Variants in YPEL2 observed in about 807,000 individuals in gnomAD.
The protein encoded by YPEL2 is yippee like 2.
A neutral mutation model predicts 19.1 loss-of-function variants in YPEL2; 2 were observed. That is an observed-to-expected ratio of 0.10 (90% CI 0.04 to 0.33). YPEL2 has a LOEUF of 0.33. YPEL2 is among the 10% of genes least tolerant of loss of function. The pLI is 1.00. For synonymous variants in YPEL2, 52 were observed against 50.0 expected (o/e 1.04, Z -0.17); for missense variants, 66 against 140.7 (o/e 0.47, Z 2.68).
At chr17:59,352,089 G>A (rs902431458) in intron 1 of YPEL2, among the ~76,000 whole-genome samples, 1 of 152,190 alleles carries the variant, frequency 6.6e-6, no homozygotes, top group Non-Finnish European at 1.5e-5. Flanking sequence ...GATCCCAGAC[G>A]TAGTCCAGCC....
rs2048050729 is a variant in YPEL2 at position 59,398,177 on chromosome 17, AG to A, written c.*989del. The A allele has an allele frequency of 6.6e-6, 1 of 152,150 alleles. No homozygotes were observed. The allele number at this position is 152,150 out of a possible 1,614,324, so 9.4% of individuals were successfully genotyped here. Reference sequence around the variant, plus strand: ...GCCCTTCCTTCTGACCCCTCATAAGAGGAGTGTGGTGAGGGAGGGGACTGGG... The same window carrying A: ...GCCCTTCCTTCTGACCCCTCATAAGAGAGTGTGGTGAGGGAGGGGACTGGG... On this transcript the variant is annotated 3_prime_UTR_variant, in exon 5 of 5. Transcript: ENST00000312655.
At chr17:59,393,007 G>A (rs1330323801) in intron 4 of YPEL2, among the ~76,000 whole-genome samples, 5 of 152,216 alleles carry the variant, frequency 3.3e-5, no homozygotes, top group Admixed American at 3.3e-4. Flanking sequence ...AGTTCTGTAA[G>A]TGATGGTTCA....
At chr17:59,390,794 A>T (rs2048003722) in intron 4 of YPEL2, among the ~76,000 whole-genome samples, 1 of 152,162 alleles carries the variant, frequency 6.6e-6, no homozygotes, top group Admixed American at 6.5e-5. Flanking sequence ...CCCTCTAGCT[A>T]GTGGTTAAGA....
rs2048062838 is a variant in YPEL2 at position 59,400,125 on chromosome 17, ATTG to A, written c.*2936_*2938del. The A allele has an allele frequency of 6.6e-6, 1 of 152,556 alleles. No individual in the cohort carries two copies. The highest frequency in any genetic ancestry group is 2.4e-5 in the African/African-American group (1 of 41,400). 9.5% of individuals were successfully genotyped at this position (152,556 alleles called of 1,614,324 possible). A position where few individuals can be genotyped will look rare whatever the true frequency, so the allele number is the denominator to read the frequency against. On this transcript the variant is annotated 3_prime_UTR_variant, in exon 5 of 5. Coordinates refer to ENST00000312655, the MANE Select transcript of YPEL2 (RefSeq NM_001005404.4). ...GACATTAGTCTCAGGCTGCTGATGG[ATTG>A]ATTTGACATGAACCAAACACAGCCA...
intron 2 of YPEL2, among the ~76,000 whole-genome samples, chr17:59,377,976 G>C (rs770286678): frequency 6.6e-6 from 1 of 152,190 alleles, no homozygotes; most frequent in Non-Finnish European, 1.5e-5. Flanking sequence ...CTCTGGAATA[G>C]GGCGTTATTG....
At chr17:59,384,010 G>A (rs773199442) in intron 2 of YPEL2, among the ~76,000 whole-genome samples, 13 of 152,038 alleles carry the variant, frequency 8.6e-5, no homozygotes, top group African/African-American at 2.4e-4. Context: ...ATAGGCTTTC[G>A]TTTCACTTGG....
At chr17:59,392,655 T>C (rs2048013633) in intron 4 of YPEL2, among the ~76,000 whole-genome samples, 1 of 151,836 alleles carries the variant, frequency 6.6e-6, no homozygotes. Context: ...GGATTACAGG[T>C]GTGCGCCACC....
Position 59,398,056 on chromosome 17 carries a change from A to T in YPEL2, c.*866A>T, listed in dbSNP as rs1424928731. The T allele has an allele frequency of 6.6e-6, 1 of 152,286 alleles. No individual in the cohort carries two copies. Among genetic ancestry groups the T allele is most frequent in the African/African-American group, 2.4e-5 (1 of 41,458 alleles). 9.4% of individuals were successfully genotyped at this position (152,286 alleles called of 1,614,324 possible). ...AGTAAAATCAGTAATTGAGGAGAGC[A>T]GGGCACAAAGGGGCTGCAGTTTGGG... On this transcript the variant is annotated 3_prime_UTR_variant, in exon 5 of 5. Transcript: ENST00000312655.
chr17:59,400,259 G>C lies in YPEL2; in HGVS notation c.*3069G>C, dbSNP rs2048063669. 6.6e-6 allele frequency: 1 copy of C among 152,612 alleles called. No homozygotes were observed. Among genetic ancestry groups the C allele is most frequent in the Admixed American group, 6.5e-5 (1 of 15,280 alleles). The allele number at this position is 152,612 out of a possible 1,614,324, so 9.5% of individuals were successfully genotyped here. ...TACTGGTGGATCAGTGTGTGCGAAAGAGATGACCCTTTATAAAGAGATTTT... is the reference window on the plus strand; with the variant it reads ...TACTGGTGGATCAGTGTGTGCGAAACAGATGACCCTTTATAAAGAGATTTT... On this transcript the variant is annotated 3_prime_UTR_variant, in exon 5 of 5. Transcript: ENST00000312655.
intron 3 of YPEL2, among the ~76,000 whole-genome samples, chr17:59,388,662 A>T (rs1464267114): frequency 1.3e-5 from 2 of 152,224 alleles, no homozygotes; most frequent in Non-Finnish European, 2.9e-5. Flanking sequence ...TGAAGGGCTC[A>T]TAATGAGATC....
chr17:59,350,691 A>G (rs1472628794), intron 1 of YPEL2, among the ~76,000 whole-genome samples: 2 of 152,378 alleles, frequency 1.3e-5, no homozygotes, highest in African/African-American at 4.8e-5. Flanking sequence ...GAAGCTGAAC[A>G]TAACCAGAAA....
chr17:59,388,457 A>G lies in YPEL2; in HGVS notation c.161+87A>G, dbSNP rs1598052234. The G allele has an allele frequency of 3.0e-6, 4 of 1,344,340 alleles. No individual in the cohort carries two copies. In the South Asian group the frequency reaches 3.5e-5, roughly 12 times the overall value. 83.3% of individuals were successfully genotyped at this position (1,344,340 alleles called of 1,614,324 possible). ...ATCCTTGGTGATAATTAAACAATGA[A>G]CCCTGCCCTGTCTGCCACAGTAAAA... On this transcript the variant is annotated intron_variant, in intron 3 of 4. Coordinates refer to ENST00000312655, the MANE Select transcript of YPEL2 (RefSeq NM_001005404.4).
chr17:59,331,966 C>T (rs2047672052), intron 1 of YPEL2, 142 bp downstream of exon 1: 1 of 151,468 alleles, frequency 6.6e-6, no homozygotes, highest in Non-Finnish European at 1.5e-5. Flanking sequence ...GCCCTCGGTT[C>T]CGCGTGGGGT....
chr17:59,395,409 T>C (rs1021975535), intron 4 of YPEL2, among the ~76,000 whole-genome samples: 1 of 152,164 alleles, frequency 6.6e-6, no homozygotes, highest in Non-Finnish European at 1.5e-5. Context: ...AGGGAAGGGC[T>C]GATGTCCACT....
At chr17:59,378,910 C>T (rs1056529109) in intron 2 of YPEL2, among the ~76,000 whole-genome samples, 2 of 152,212 alleles carry the variant, frequency 1.3e-5, no homozygotes, top group African/African-American at 4.8e-5. Context: ...TTACCCCCAT[C>T]TCAAAGGTTC....
chr17:59,381,004 C>T (rs907282011), intron 2 of YPEL2, among the ~76,000 whole-genome samples: 1 of 152,210 alleles, frequency 6.6e-6, no homozygotes, highest in Non-Finnish European at 1.5e-5. Flanking sequence ...TCTCTCTCCT[C>T]CAGGCTCCTG....
intron 3 of YPEL2, 48 bp downstream of exon 3, chr17:59,388,418 G>C (rs2047991863): frequency 6.3e-7 from 1 of 1,587,942 alleles, no homozygotes; most frequent in Admixed American, 1.7e-5. Context: ...AGATTCGAGG[G>C]ATGGGAAAAA....
intron 4 of YPEL2, among the ~76,000 whole-genome samples, chr17:59,396,328 C>T (rs1245591143): frequency 6.6e-6 from 1 of 152,222 alleles, no homozygotes; most frequent in Admixed American, 6.5e-5. Context: ...AAAGTCTCTG[C>T]ACTCCATGAA....
chr17:59,344,467 A>G (rs1372281943), intron 1 of YPEL2, among the ~76,000 whole-genome samples: 1 of 152,200 alleles, frequency 6.6e-6, no homozygotes, highest in Non-Finnish European at 1.5e-5. Flanking sequence ...TAGTGTTAGC[A>G]TTCAAAAGTA....
Sources: gnomAD v4.1 joint callset for allele counts (sites outside exome capture counted in the v4.1 genomes callset) on GRCh38, gnomAD v4.1.1 for gene constraint, MANE v1.5 for transcripts, NCBI Gene and HGNC (gene_info 2026-07-23, HGNC 2026-07-21) for gene names.